PCDHGA1: variants seen among roughly 807,000 people sequenced by gnomAD.
PCDHGA1 encodes the protein protocadherin gamma subfamily A, 1.
A neutral mutation model predicts 58.0 loss-of-function variants in PCDHGA1; 32 were observed. The ratio of observed to expected loss-of-function variants is 0.55; its 90% CI spans 0.42 to 0.74. The LOEUF (loss-of-function observed/expected upper bound fraction) is 0.74, where lower values mean the gene tolerates loss of function less well. Ranked by LOEUF, PCDHGA1 falls within the 30% of genes least tolerant of loss-of-function variation. The pLI, the probability that PCDHGA1 is intolerant of heterozygous loss-of-function variation, is 0.00. For missense variants in PCDHGA1, 1,205 were observed against 1,182.3 expected, an observed-to-expected ratio of 1.02 and a Z score of -0.28; for synonymous variants, 498 against 501.1, an observed-to-expected ratio of 0.99 and a Z score of 0.08.
At chr5:141,364,414 C>T in intron 1 of PCDHGA1, 3 of 1,612,330 alleles carry the variant, frequency 1.9e-6, no homozygotes, top group Non-Finnish European at 2.5e-6. Flanking sequence ...AGCCAGGATC[C>T]GGGCAGATCC....
At chr5:141,421,964 C>A (rs772274014) in intron 1 of PCDHGA1, 3 of 1,611,350 alleles carry the variant, frequency 1.9e-6, no homozygotes, top group Non-Finnish European at 2.5e-6. Flanking sequence ...TTTACACAGT[C>A]CGTATATCGC....
At chr5:141,408,971 C>G (rs763728764) in intron 1 of PCDHGA1, 4 of 1,613,698 alleles carry the variant, frequency 2.5e-6, no homozygotes, top group Non-Finnish European at 3.4e-6. Flanking sequence ...AAATCTGCCC[C>G]CTGGGTCCCC....
intron 1 of PCDHGA1, chr5:141,413,715 G>A (rs955570292): frequency 2.5e-6 from 4 of 1,613,472 alleles, no homozygotes; most frequent in Non-Finnish European, 3.4e-6. Context: ...GCCCCAATAA[G>A]CACTTCTCCC....
rs754384717 is a variant in PCDHGA1 at position 141,385,373 on chromosome 5, T to C, written c.2421+52268T>C. The C allele has an allele frequency of 3.9e-6, 6 of 1,529,356 alleles. No individual in the cohort carries two copies. The East Asian group carries it at 1.4e-4, about 35-fold the overall frequency. 94.7% of individuals were successfully genotyped at this position (1,529,356 alleles called of 1,614,324 possible). ...CCATGAGGAATTTATTTGCATGATA[T>C]TTCTCTATTATTTTGCAAAACAAAT... On this transcript the variant is annotated intron_variant, in intron 1 of 3. Coordinates refer to ENST00000517417, the MANE Select transcript of PCDHGA1 (RefSeq NM_018912.3).
intron 1 of PCDHGA1, chr5:141,360,710 C>T: frequency 6.2e-7 from 1 of 1,613,894 alleles, no homozygotes; most frequent in Non-Finnish European, 8.5e-7. Flanking sequence ...CGTAAATATC[C>T]TGAGTTGATT....
At chr5:141,468,024 T>C (rs1386255481) in intron 1 of PCDHGA1, among the ~76,000 whole-genome samples, 1 of 152,046 alleles carries the variant, frequency 6.6e-6, no homozygotes, top group African/African-American at 2.4e-5. Flanking sequence ...TGAAGTAAAA[T>C]ACTTCATTTA....
Position 141,364,550 on chromosome 5 carries a change from C to A in PCDHGA1, c.2421+31445C>A, listed in dbSNP as rs1257524038. On this transcript the variant is annotated intron_variant, in intron 1 of 3. Coordinates refer to ENST00000517417, the MANE Select transcript of PCDHGA1 (RefSeq NM_018912.3). ...CATCGTCTCCAGAGGTAGGACGCAG[C>A]TTTTTGCCCTGAACCCGCGAAGCGG... The A allele has an allele frequency of 3.1e-6, 5 of 1,613,922 alleles. No homozygotes were observed. The Admixed American group carries it at 5.0e-5, about 16-fold the overall frequency.
At chr5:141,371,891 G>A (rs771271665) in intron 1 of PCDHGA1, 3 of 1,613,446 alleles carry the variant, frequency 1.9e-6, no homozygotes, top group Non-Finnish European at 2.5e-6. Flanking sequence ...TGGAGCCGCG[G>A]GAGCTGTCGT....
At chr5:141,366,265 C>T (rs756734800) in intron 1 of PCDHGA1, 2 of 1,613,684 alleles carry the variant, frequency 1.2e-6, no homozygotes, top group Non-Finnish European at 1.7e-6. Context: ...TCGTGGTGGC[C>T]GTCGAAGACC....
intron 1 of PCDHGA1, chr5:141,352,334 T>C: frequency 1.9e-6 from 3 of 1,614,084 alleles, no homozygotes; most frequent in Non-Finnish European, 2.5e-6. Context: ...GGTTGTGGCC[T>C]TGGCCTTGAT....
At chr5:141,409,172 G>A in intron 1 of PCDHGA1, 8 of 1,614,006 alleles carry the variant, frequency 5.0e-6, no homozygotes, top group Non-Finnish European at 6.8e-6. Context: ...AGCGAAGGAC[G>A]GAGGTGGTCT....
At chr5:141,350,272 C>T in intron 1 of PCDHGA1, 1 of 1,511,494 alleles carries the variant, frequency 6.6e-7, no homozygotes, top group Non-Finnish European at 8.8e-7. Flanking sequence ...TGCAGAGAGC[C>T]AGAGAAGCCG....
chr5:141,508,550 G>T (rs1440375100), intron 3 of PCDHGA1, among the ~76,000 whole-genome samples: 3 of 152,138 alleles, frequency 2.0e-5, no homozygotes, highest in Non-Finnish European at 1.5e-5. Flanking sequence ...GGTGGGCGGG[G>T]GATGGCTTTG....
chr5:141,375,535 C>T (rs548065153), intron 1 of PCDHGA1: 89 of 1,614,018 alleles, frequency 5.5e-5, no homozygotes, highest in Non-Finnish European at 6.9e-5. Flanking sequence ...TGGACCAGAA[C>T]GCCCAAGTCT....
At chr5:141,341,114 A>G (rs1375770566) in intron 1 of PCDHGA1, 1 of 1,614,214 alleles carries the variant, frequency 6.2e-7, no homozygotes, top group East Asian at 2.2e-5. Flanking sequence ...GCTGGCGCAC[A>G]GGCTGCGGCG....
intron 1 of PCDHGA1, chr5:141,383,623 T>C: frequency 6.2e-7 from 1 of 1,613,932 alleles, no homozygotes; most frequent in South Asian, 1.1e-5. Flanking sequence ...CACGCCTGTC[T>C]TCTCTCTGCC....
At position 141,512,161 on chromosome 5, in the gene PCDHGA1, G is replaced by A. The variant is rs1176664723; in HGVS notation, c.*988G>A. On this transcript the variant is annotated 3_prime_UTR_variant, in exon 4 of 4. Transcript: ENST00000517417. ...AGCCAGCTTTGGGCTGAGCTAACAGGACCAATGGATTAAACTGGCATTTCA... is the reference window on the plus strand; with the variant it reads ...AGCCAGCTTTGGGCTGAGCTAACAGAACCAATGGATTAAACTGGCATTTCA... The A allele has an allele frequency of 6.5e-6, 1 of 152,704 alleles. No homozygotes were observed. Among genetic ancestry groups the A allele is most frequent in the African/African-American group, 2.4e-5 (1 of 41,440 alleles). 9.5% of individuals were successfully genotyped at this position (152,704 alleles called of 1,614,324 possible). A position where few individuals can be genotyped will look rare whatever the true frequency, so the allele number is the denominator to read the frequency against.
rs762530904 is a variant in PCDHGA1, at chr5:141,422,966, C to T, written c.2422-71841C>T. The T allele has an allele frequency of 2.5e-6, 4 of 1,614,112 alleles. No individual in the cohort carries two copies. The East Asian group carries it at 8.9e-5, about 36-fold the overall frequency. ...GGCTCCACTGGCGTGGAGCTGGCGC[C>T]CCGCTCTGCGGAACCTGGCTACCTG... On this transcript the variant is annotated intron_variant, in intron 1 of 3. Coordinates refer to ENST00000517417, the MANE Select transcript of PCDHGA1 (RefSeq NM_018912.3).
At chr5:141,498,457 G>A (rs1028236637) in intron 2 of PCDHGA1, among the ~76,000 whole-genome samples, 8 of 152,126 alleles carry the variant, frequency 5.3e-5, no homozygotes, top group African/African-American at 1.9e-4. Flanking sequence ...CTTTTATCCA[G>A]TCTAACCCTG....
Sources: gnomAD v4.1 joint callset for allele counts (sites outside exome capture counted in the v4.1 genomes callset) on GRCh38, gnomAD v4.1.1 for gene constraint, MANE v1.5 for transcripts, NCBI Gene and HGNC (gene_info 2026-07-23, HGNC 2026-07-21) for gene names.